NOA1: variants seen among roughly 807,000 people sequenced by gnomAD.
NOA1 encodes nitric oxide associated 1.
NOA1 carries 35 observed loss-of-function variants against 58.4 expected under a neutral mutation model. The observed-to-expected ratio is 0.60, with a 90% CI of 0.46 to 0.79. The LOEUF is 0.79. Among genes scored for constraint, NOA1 ranks in the 30% least tolerant of loss-of-function variants. The pLI is 0.00. For synonymous variants in NOA1, 397 were observed against 373.4 expected (o/e 1.06, Z -0.73); for missense variants, 895 against 894.6 (o/e 1.00, Z -0.01).
intron 6 of NOA1, among the ~76,000 whole-genome samples, 191 bp from the exon 7 acceptor site, chr4:56,963,852 ATCGT>A (rs1721651796): frequency 1.3e-5 from 2 of 152,166 alleles, no homozygotes. Flanking sequence ...GGCTCAAGCG[ATCGT>A]ACTGCCTCGG....
Position 56,966,630 on chromosome 4 carries a change from G to A in NOA1, c.1754C>T (p.Thr585Met), listed in dbSNP as rs752978677. The change falls in exon 5 of 7, where the codon ACG (threonine) becomes ATG (methionine). Residue 585 changes from threonine (T) to methionine (M), a missense_variant. This residue lies in a region of NOA1 where 212 missense variants were observed against 221.3 expected (regional missense o/e 0.96). Transcript: ENST00000264230. Reference sequence around the variant, plus strand: ...GGCATGTTGCCTTACCTGGAGTAACGTATGACCTGCATGCTTCTGATACAG... The same window carrying A: ...GGCATGTTGCCTTACCTGGAGTAACATATGACCTGCATGCTTCTGATACAG... ...DALYQKHAGH[T>M]LLQIPMGGKE... The A allele has an allele frequency of 1.7e-5, 28 of 1,604,256 alleles. No homozygotes were observed. The highest frequency in any genetic ancestry group is 1.6e-4 in the Middle Eastern group (1 of 6,066).
rs1348341914 is a variant in NOA1, at chr4:56,966,656, AGCGTC to A, written c.1723_1727del (p.Asp575SerfsTer30). The A allele has an allele frequency of 6.2e-7, 1 of 1,612,882 alleles. No individual in the cohort carries two copies. The highest frequency in any genetic ancestry group is 1.3e-5 in the African/African-American group (1 of 74,916). ...TATGACCTGCATGCTTCTGATACAG[AGCGTC>A]TGCCCTGTCCAAGGAGGTGATATGC... On this transcript the variant is annotated frameshift_variant, in exon 5 of 7. Coordinates refer to ENST00000264230, the MANE Select transcript of NOA1 (RefSeq NM_032313.4). LOFTEE classifies it high-confidence loss of function.
chr4:56,966,959 T>C (rs925316161), intron 4 of NOA1, among the ~76,000 whole-genome samples: 4 of 152,190 alleles, frequency 2.6e-5, no homozygotes, highest in Admixed American at 6.5e-5. Flanking sequence ...TATGACTTCT[T>C]TGACAGACCC....
At chr4:56,966,018 C>CTTTTTT (rs57382498) in intron 5 of NOA1, among the ~76,000 whole-genome samples, 34 of 88,542 alleles carry the variant, frequency 3.8e-4, no homozygotes, top group Non-Finnish European at 5.3e-4. Context: ...AGCAAATTTT[C>CTTTTTT]TTTTTTTTTT....
Position 56,977,046 on chromosome 4 carries a change from C to T in NOA1, c.540G>A (p.Gln180=). ...GGTGGTGCGACAGCAGCCAGCAGCGCTGGCACACGGTCCGTGCCAGCCCGC... is the reference window on the plus strand; with the variant it reads ...GGTGGTGCGACAGCAGCCAGCAGCGTTGGCACACGGTCCGTGCCAGCCCGC... ...ADGGLARTVC[Q]RCWLLSHHRR... is the part of the protein sequence containing the mutation. Residue 180 remains glutamine (Q), a synonymous_variant, in exon 1 of 7, where the codon CAG becomes CAA. Coordinates refer to ENST00000264230, the MANE Select transcript of NOA1 (RefSeq NM_032313.4). 1.3e-6 allele frequency: 2 copies of T among 1,584,512 alleles called. No homozygotes were observed. Among genetic ancestry groups the T allele is most frequent in the Non-Finnish European group, 1.7e-6 (2 of 1,170,566 alleles).
At chr4:56,974,087 T>TTAATGATTCGGCGACCTCC in intron 1 of NOA1, 65 bp from the exon 2 acceptor site, 3 of 1,060,810 alleles carry the variant, frequency 2.8e-6, no homozygotes, top group South Asian at 3.5e-5. Flanking sequence ...TGAACATTTT[T>TTAATGATTCGGCGACCTCC]GAGGATCTAC....
intron 3 of NOA1, among the ~76,000 whole-genome samples, chr4:56,969,728 C>G (rs1339944264): frequency 1.3e-5 from 2 of 152,296 alleles, no homozygotes; most frequent in Middle Eastern, 6.8e-3. Context: ...GTGGCTCATG[C>G]CTGTAATCCC....
intron 2 of NOA1, 43 bp from the exon 3 acceptor site, chr4:56,973,396 C>G (rs751505488): frequency 2.3e-5 from 34 of 1,455,422 alleles, no homozygotes; most frequent in Admixed American, 3.4e-5. Context: ...TCCTTTAATA[C>G]TTTTAACTCC....
At chr4:56,973,764 A>G in intron 2 of NOA1, 94 bp downstream of exon 2, 4 of 1,292,726 alleles carry the variant, frequency 3.1e-6, no homozygotes, top group Non-Finnish European at 4.3e-6. Flanking sequence ...TCTCCCCACA[A>G]AAACTGGCTA....
chr4:56,974,422 C>A (rs973548684), intron 1 of NOA1, among the ~76,000 whole-genome samples: 1 of 152,028 alleles, frequency 6.6e-6, no homozygotes, highest in African/African-American at 2.4e-5. Context: ...GAGGCCCAGG[C>A]GGGTGGATCA....
chr4:56,973,013 T>C, intron 3 of NOA1, 135 bp downstream of exon 3: 1 of 732,910 alleles, frequency 1.4e-6, no homozygotes, highest in South Asian at 1.7e-5. Flanking sequence ...TTTAGCTGGC[T>C]CTACATGCAT....
chr4:56,974,015 T>C lies in NOA1; in HGVS notation c.1152A>G (p.Thr384=). The change falls in exon 2 of 7, where the codon ACA becomes ACG. Residue 384 remains threonine, a synonymous_variant. Coordinates refer to ENST00000264230, the MANE Select transcript of NOA1 (RefSeq NM_032313.4). ...AAATAGGAAACTTCAGAAGGTTTAA[T>C]GTAGTACCTGAAATACACAGAATAA... ...RATISPWPGT[T]LNLLKFPICN... is the part of the protein sequence containing the mutation. 1 of 1,610,762 alleles carries C rather than the reference T, an allele frequency of 6.2e-7. No homozygotes were observed. The highest frequency in any genetic ancestry group is 2.2e-5 in the East Asian group (1 of 44,832).
Position 56,977,361 on chromosome 4 carries a change from C to A in NOA1, c.225G>T (p.Pro75=), listed in dbSNP as rs776395663. 9.9e-6 allele frequency: 16 copies of A among 1,614,082 alleles called. No individual in the cohort carries two copies. The East Asian group carries it at 2.7e-4, about 27-fold the overall frequency. The change falls in exon 1 of 7, where the codon CCG becomes CCT. Residue 75 remains proline, a synonymous_variant. Transcript: ENST00000264230. ...GGDMQERFLF[P]EYILDPEPQP... ...GCGGCTCCGGATCCAGGATGTACTC[C>A]GGGAACAGAAAACGCTCCTGCATGT...
At position 56,977,253 on chromosome 4, in the gene NOA1, C is replaced by G. The variant is rs1333925444; in HGVS notation, c.333G>C (p.Glu111Asp). The G allele has an allele frequency of 6.2e-7, 1 of 1,606,862 alleles. No homozygotes were observed. Among genetic ancestry groups the G allele is most frequent in the Non-Finnish European group, 8.5e-7 (1 of 1,177,320 alleles). ...TGGCCCGTAGGTTTTGCTGTCGCCG[C>G]TCCTCCCGCCGCTGCTGCCTCTGTC... ...EERQRQQRRE[E>D]RRQQNLRARS... The change falls in exon 1 of 7, where the codon GAG becomes GAC. Residue 111 changes from glutamate to aspartate, a missense_variant. Transcript: ENST00000264230.
Position 56,968,410 on chromosome 4 carries a change from C to T in NOA1, c.1621G>A (p.Ala541Thr), listed in dbSNP as rs1721755245. 1 of 1,612,504 alleles carries T rather than the reference C, an allele frequency of 6.2e-7. No individual in the cohort carries two copies. The highest frequency in any genetic ancestry group is 8.5e-7 in the Non-Finnish European group (1 of 1,179,714). The stretch of plus-strand genomic sequence containing the variant: ...TGCAGGAAATCTATGCGGCCTATAG[C>T]ACCCAAAAACAGAACCATTCCTGGT... ...LKPGMVLFLG[A>T]IGRIDFLQGN... The change falls in exon 4 of 7, where the codon GCT (alanine) becomes ACT (threonine). Residue 541 changes from alanine to threonine, a missense_variant. By Grantham distance (58) the Ala-to-Thr change is moderately conservative (BLOSUM62 0). Transcript: ENST00000264230.
In NOA1 at chr4:56,965,693, G is replaced by GGT. The variant is rs10548713; in HGVS notation, c.1764+925_1764+926dup. Reference sequence around the variant, plus strand: ...ACTATAGCTTAATTGTCCAAAGTATGGTGTGTGTGTGTGTGTGTGTGTGTG... The same window carrying GGT: ...ACTATAGCTTAATTGTCCAAAGTATGGTGTGTGTGTGTGTGTGTGTGTGTGTG... On this transcript the variant is annotated intron_variant, in intron 5 of 6. Transcript: ENST00000264230. Among the ~76,000 whole-genome samples, 472 of 149,116 alleles carry GGT rather than the reference G, an allele frequency of 3.2e-3. 1 individual carries two copies. Among genetic ancestry groups the GGT allele is most frequent in the South Asian group, 0.02 (95 of 4,664 alleles).
chr4:56,967,492 T>G (rs17087317), intron 4 of NOA1, among the ~76,000 whole-genome samples: 8,121 of 152,056 alleles, frequency 0.053, 483 homozygotes, highest in East Asian at 0.21. Context: ...GCAAAATTTC[T>G]AACAAAGTAT....
In NOA1 at chr4:56,963,563, A is replaced by G. The variant is rs760431883; in HGVS notation, c.1984T>C (p.Tyr662His). The G allele has an allele frequency of 3.1e-6, 5 of 1,614,084 alleles. No individual in the cohort carries two copies. The highest frequency in any genetic ancestry group is 3.4e-6 in the Non-Finnish European group (4 of 1,180,014). Residue 662 changes from tyrosine to histidine, a missense_variant, in exon 7 of 7, where the codon TAT (tyrosine) becomes CAT (histidine). Physicochemically the swap from Tyr to His is moderately conservative, Grantham distance 83 (BLOSUM62 2). Around this residue, in one of 3 missense-constraint regions of NOA1, gnomAD observed 212 missense variants for 221.3 expected, o/e 0.96. Transcript: ENST00000264230. Reference protein sequence around the residue: ...VLTVRPPLLPYIVNIKGQRIK... With the variant: ...VLTVRPPLLPHIVNIKGQRIK... ...CGCTGTCCTTTGATGTTAACAATAT[A>G]TGGCAAGAGAGGGGGCCGGACGGTC...
At chr4:56,971,890 CT>C (rs71657244) in intron 3 of NOA1, among the ~76,000 whole-genome samples, 22,291 of 140,454 alleles carry the variant, frequency 0.16, 1,771 homozygotes, top group Admixed American at 0.25. Context: ...TAATGCTATT[CT>C]TTTTTTTTTT....
Sources: allele counts gnomAD v4.1 joint callset (sites outside exome capture counted in the v4.1 genomes callset), GRCh38; gene constraint gnomAD v4.1.1; regional missense constraint gnomAD v4.1.1; transcripts MANE v1.5; gene names NCBI Gene and HGNC (gene_info 2026-07-23, HGNC 2026-07-21).